The following INPP4B variants were observed in gnomAD, a reference collection of about 807,000 sequenced individuals.
INPP4B encodes the protein inositol polyphosphate 4-phosphatase type II.
Under a neutral mutation model 122.5 loss-of-function variants are expected in INPP4B, and 55 were observed. The ratio of observed to expected loss-of-function variants is 0.45; its 90% CI spans 0.36 to 0.56. The LOEUF (loss-of-function observed/expected upper bound fraction) is 0.56, where lower values mean the gene tolerates loss of function less well. INPP4B is among the 20% of genes least tolerant of loss of function. INPP4B has a pLI of 0.00. For synonymous variants in INPP4B, 403 were observed against 388.7 expected, an observed-to-expected ratio of 1.04 and a Z score of -0.43; for missense variants, 1,000 against 1,097.7, an observed-to-expected ratio of 0.91 and a Z score of 1.26.
Position 142,522,295 on chromosome 4 carries a change from A to G in INPP4B, c.-190-59569T>C, listed in dbSNP as rs191205061. Reference sequence around the variant, plus strand: ...TTCCATCTACTATTGTGTCATGTAGACATTTACTTGTCCCAGGAACATTTC... The same window carrying G: ...TTCCATCTACTATTGTGTCATGTAGGCATTTACTTGTCCCAGGAACATTTC... On this transcript the variant is annotated intron_variant, in intron 2 of 25. Coordinates refer to ENST00000262992, the MANE Select transcript of INPP4B (RefSeq NM_001101669.3). Among the ~76,000 whole-genome samples the G allele has an allele frequency of 5.3e-3, 807 of 151,810 alleles. 11 individuals carry two copies. The highest frequency in any genetic ancestry group is 0.018 in the African/African-American group (762 of 41,424).
chr4:142,701,206 A>G (rs1332577499), intron 2 of INPP4B, among the ~76,000 whole-genome samples: 3 of 152,168 alleles, frequency 2.0e-5, no homozygotes, highest in Non-Finnish European at 4.4e-5. Context: ...AAGGTATGTC[A>G]TAATTACCAC....
At chr4:142,347,749 A>G (rs1780730764) in intron 7 of INPP4B, among the ~76,000 whole-genome samples, 1 of 151,880 alleles carries the variant, frequency 6.6e-6, no homozygotes, top group Non-Finnish European at 1.5e-5. Flanking sequence ...TTCATGAGAT[A>G]GAGATTGCAC....
At chr4:142,226,027 C>T in intron 12 of INPP4B, among the ~76,000 whole-genome samples, 1 of 152,086 alleles carries the variant, frequency 6.6e-6, no homozygotes, top group African/African-American at 2.4e-5. Context: ...TAACATATTT[C>T]AATGTAGGCT....
At chr4:142,633,370 T>C (rs1444317508) in intron 2 of INPP4B, among the ~76,000 whole-genome samples, 1 of 152,060 alleles carries the variant, frequency 6.6e-6, no homozygotes, top group South Asian at 2.1e-4. Flanking sequence ...TGAAGATAAA[T>C]GCAAGTAGAA....
intron 9 of INPP4B, among the ~76,000 whole-genome samples, chr4:142,279,490 A>T (rs1019963459): frequency 6.6e-6 from 1 of 151,934 alleles, no homozygotes; most frequent in Non-Finnish European, 1.5e-5. Flanking sequence ...CAATGGAATG[A>T]ACTAAAAGTA....
chr4:142,548,829 T>C (rs1480303756), intron 2 of INPP4B, among the ~76,000 whole-genome samples: 1 of 152,106 alleles, frequency 6.6e-6, no homozygotes, highest in Admixed American at 6.6e-5. Context: ...TTCTAAAATG[T>C]ATTAAATTTT....
chr4:142,720,643 T>C (rs1218663678), intron 2 of INPP4B, among the ~76,000 whole-genome samples: 4 of 143,722 alleles, frequency 2.8e-5, no homozygotes, highest in South Asian at 2.2e-4. Flanking sequence ...TGTTTTTTTT[T>C]CCAAATATTT....
chr4:142,575,312 A>C (rs574324489), intron 2 of INPP4B, among the ~76,000 whole-genome samples: 1 of 152,190 alleles, frequency 6.6e-6, no homozygotes, highest in African/African-American at 2.4e-5. Flanking sequence ...AAAAAATCAA[A>C]ACAAGAGTCA....
At chr4:142,562,800 C>T (rs571625010) in intron 2 of INPP4B, among the ~76,000 whole-genome samples, 26 of 152,036 alleles carry the variant, frequency 1.7e-4, no homozygotes, top group Non-Finnish European at 3.4e-4. Flanking sequence ...ATAATTTCCA[C>T]GCCATTCTCT....
At chr4:142,246,778 T>G (rs1729093214) in intron 11 of INPP4B, among the ~76,000 whole-genome samples, 2 of 152,342 alleles carry the variant, frequency 1.3e-5, no homozygotes, top group Admixed American at 6.5e-5. Flanking sequence ...CCTATCTGAA[T>G]ACCCTTTATT....
chr4:142,626,743 A>G (rs1174119097), intron 2 of INPP4B, among the ~76,000 whole-genome samples: 1 of 152,040 alleles, frequency 6.6e-6, no homozygotes, highest in Non-Finnish European at 1.5e-5. Flanking sequence ...AAACCAACAT[A>G]TTCACTCTGT....
chr4:142,792,454 A>C (rs1448455682), intron 1 of INPP4B, among the ~76,000 whole-genome samples: 1 of 152,094 alleles, frequency 6.6e-6, no homozygotes, highest in Non-Finnish European at 1.5e-5. Flanking sequence ...TTCTCACAAC[A>C]TTAATAATTC....
chr4:142,776,742 C>A (rs1479131115), intron 1 of INPP4B, among the ~76,000 whole-genome samples: 1 of 152,136 alleles, frequency 6.6e-6, no homozygotes, highest in East Asian at 1.9e-4. Context: ...ATTTTGTGTT[C>A]TCTTGCTCAA....
chr4:142,449,595 G>A (rs1421485313), intron 3 of INPP4B, among the ~76,000 whole-genome samples: 2 of 152,000 alleles, frequency 1.3e-5, no homozygotes, highest in South Asian at 2.1e-4. Context: ...CCAGCTACTT[G>A]CGAGGCTGAG....
chr4:142,057,933 T>C (rs1364443927), intron 25 of INPP4B, among the ~76,000 whole-genome samples: 1 of 152,170 alleles, frequency 6.6e-6, no homozygotes, highest in East Asian at 1.9e-4. Context: ...CCTGTGAGCA[T>C]GTATTGCACT....
At chr4:142,036,440 C>A (rs890343861) in intron 25 of INPP4B, among the ~76,000 whole-genome samples, 12 of 152,106 alleles carry the variant, frequency 7.9e-5, no homozygotes, top group African/African-American at 2.9e-4. Flanking sequence ...AATACACTTT[C>A]TCAGTGGAGC....
At chr4:142,086,001 G>A (rs1344142323) in intron 24 of INPP4B, 143 bp downstream of exon 24, 34 of 653,610 alleles carry the variant, frequency 5.2e-5, no homozygotes, top group Non-Finnish European at 9.0e-5. Context: ...ACCAACAAGA[G>A]TAAAAATGCC....
At chr4:142,191,875 T>C (rs953092944) in intron 15 of INPP4B, among the ~76,000 whole-genome samples, 1 of 152,154 alleles carries the variant, frequency 6.6e-6, no homozygotes, top group African/African-American at 2.4e-5. Flanking sequence ...AGTCAATTCC[T>C]TAAAAGGAAA....
At chr4:142,219,627 T>G (rs80134177) in intron 12 of INPP4B, among the ~76,000 whole-genome samples, 5,217 of 152,300 alleles carry the variant, frequency 0.034, 289 homozygotes, top group African/African-American at 0.12. Flanking sequence ...ACTTAAAAGC[T>G]GTTTAAACAA....
Sources: gnomAD v4.1 joint callset for allele counts (sites outside exome capture counted in the v4.1 genomes callset) on GRCh38, gnomAD v4.1.1 for gene constraint, MANE v1.5 for transcripts, NCBI Gene and HGNC (gene_info 2026-07-23, HGNC 2026-07-21) for gene names.